The following PBRM1 variants were observed in gnomAD, a reference collection of about 807,000 sequenced individuals.
The protein encoded by PBRM1 is protein polybromo-1.
Under a neutral mutation model 194.5 loss-of-function variants are expected in PBRM1, and 27 were observed. That is an observed-to-expected ratio of 0.14 (90% CI 0.10 to 0.19). The LOEUF is 0.19. Among genes scored for constraint, PBRM1 ranks in the 10% least tolerant of loss-of-function variants. The pLI, the probability that PBRM1 is intolerant of heterozygous loss-of-function variation, is 1.00. For synonymous variants in PBRM1, 655 were observed against 693.2 expected (o/e 0.94, Z 0.87); for missense variants, 1,466 against 2,077.2 (o/e 0.71, Z 5.72).
At chr3:52,545,737 AG>A (rs2079603936), downstream of PBRM1, 1 of 233,084 alleles carries the variant, frequency 4.3e-6, no homozygotes, top group African/African-American at 2.2e-5. Flanking sequence ...TCTTCTCCAC[AG>A]GAACTTACAT....
At chr3:52,666,509 C>T (rs2096838608) in intron 3 of PBRM1, among the ~76,000 whole-genome samples, 1 of 151,670 alleles carries the variant, frequency 6.6e-6, no homozygotes, top group Non-Finnish European at 1.5e-5. Context: ...GCACTCCAGC[C>T]TGGGCAACAG....
intron 11 of PBRM1, among the ~76,000 whole-genome samples, 154 bp downstream of exon 12, chr3:52,634,435 CAAAAAAAAAAAAA>C (rs370025797): frequency 2.2e-5 from 1 of 46,356 alleles, no homozygotes; most frequent in Admixed American, 2.0e-4. Flanking sequence ...GACTCCGTCT[CAAAAAAAAAAAAA>C]AAAAAAAAGG....
chr3:52,627,817 C>CA (rs1277372457), intron 12 of PBRM1, among the ~76,000 whole-genome samples: 1 of 152,134 alleles, frequency 6.6e-6, no homozygotes, highest in Admixed American at 6.5e-5. Context: ...GGCCTTCTGC[C>CA]AAACAGAGCT....
At chr3:52,627,131 G>T in intron 13 of PBRM1, 142 bp downstream of exon 14, 1 of 494,680 alleles carries the variant, frequency 2.0e-6, no homozygotes. Flanking sequence ...TCATCCAATT[G>T]CAAATGAATT....
At chr3:52,616,013 C>T (rs577555653) in intron 14 of PBRM1, among the ~76,000 whole-genome samples, 7 of 152,152 alleles carry the variant, frequency 4.6e-5, no homozygotes, top group Non-Finnish European at 7.3e-5. Context: ...TGCTTTGCAT[C>T]CACAGCCCCT....
At chr3:52,620,328 G>A (rs1002860415) in intron 13 of PBRM1, among the ~76,000 whole-genome samples, 8 of 152,228 alleles carry the variant, frequency 5.3e-5, no homozygotes, top group African/African-American at 1.9e-4. Flanking sequence ...TTAAAAGGAA[G>A]ACAGAGGAAT....
At chr3:52,650,615 C>T (rs2096464128) in intron 6 of PBRM1, among the ~76,000 whole-genome samples, 1 of 152,042 alleles carries the variant, frequency 6.6e-6, no homozygotes, top group African/African-American at 2.4e-5. Context: ...GCAGCAAACC[C>T]TTCTTATCCT....
chr3:52,647,916 C>T (rs1038463285), intron 7 of PBRM1, among the ~76,000 whole-genome samples: 1 of 148,252 alleles, frequency 6.7e-6, no homozygotes, highest in African/African-American at 2.5e-5. Flanking sequence ...ACATTAAATA[C>T]TTTTTTTTTT....
intron 21 of PBRM1, among the ~76,000 whole-genome samples, chr3:52,578,321 A>AT (rs1271631059): frequency 6.6e-6 from 1 of 152,208 alleles, no homozygotes; most frequent in Admixed American, 6.5e-5. Flanking sequence ...AGGAAAAAGA[A>AT]TATTTGTCTG....
intron 10 of PBRM1, 61 bp downstream of exon 11, chr3:52,641,893 T>A: frequency 9.8e-7 from 1 of 1,016,940 alleles, no homozygotes; most frequent in Non-Finnish European, 1.6e-6. Flanking sequence ...ATCACTGCAA[T>A]TTCATTTAGC....
intron 18 of PBRM1, among the ~76,000 whole-genome samples, chr3:52,588,552 CTTT>C (rs36058575): frequency 0.017 from 1,897 of 110,094 alleles, 6 homozygotes; most frequent in Middle Eastern, 0.035. Flanking sequence ...GTATTTCTTT[CTTT>C]TTTTTTTTTT....
At chr3:52,685,564 A>C (rs570819130) in intron 1 of PBRM1, 185 bp downstream of exon 1, 25 of 151,364 alleles carry the variant, frequency 1.7e-4, no homozygotes, top group African/African-American at 6.0e-4. Flanking sequence ...AGGTGCGACA[A>C]GGCTACTGGG....
rs2094902491 is a variant in PBRM1 at position 52,615,412 on chromosome 3, T to C, written c.1863A>G (p.Lys621=). ...CAGGCAGTGGGCCCAGCTCTTTCCT[T>C]TTCTCCTTGAGTAACTTCTCCAGGA... Residue 621 remains lysine, a synonymous_variant, in exon 15 of 30, where the codon AAA becomes AAG. Coordinates refer to ENST00000296302, the Ensembl canonical transcript of PBRM1. 3 of 1,612,696 alleles carry C rather than the reference T, an allele frequency of 1.9e-6. No homozygotes were observed. In the East Asian group the frequency reaches 6.7e-5, roughly 36 times the overall value.
At chr3:52,615,224 A>G (rs890502443) in intron 15 of PBRM1, 127 bp downstream of exon 17, 2 of 586,670 alleles carry the variant, frequency 3.4e-6, no homozygotes, top group Non-Finnish European at 6.0e-6. Flanking sequence ...TGACAAGAAC[A>G]AAGAACTCCA....
At chr3:52,638,159 C>T (rs2095900296) in intron 10 of PBRM1, among the ~76,000 whole-genome samples, 1 of 152,014 alleles carries the variant, frequency 6.6e-6, no homozygotes, top group Non-Finnish European at 1.5e-5. Context: ...TCCTTATATA[C>T]TATCTTTTAT....
At chr3:52,546,613 T>C (rs564153590), downstream of PBRM1, 100 of 231,514 alleles carry the variant, frequency 4.3e-4, no homozygotes, top group Middle Eastern at 1.3e-3. Flanking sequence ...ATTAACTCTC[T>C]CAGATTATAA....
intron 17 of PBRM1, among the ~76,000 whole-genome samples, chr3:52,591,208 G>A (rs940895951): frequency 2.0e-5 from 3 of 152,146 alleles, no homozygotes; most frequent in Non-Finnish European, 2.9e-5. Flanking sequence ...GCAAAGAGAC[G>A]TAGTTTGACT....
At chr3:52,573,666 G>A (rs11130307) in intron 22 of PBRM1, among the ~76,000 whole-genome samples, 51,192 of 151,888 alleles carry the variant, frequency 0.34, 9,583 homozygotes, top group Admixed American at 0.46. Context: ...ATATGGAGGA[G>A]TAGTGAGCTC....
At chr3:52,575,257 G>T (rs1295210115) in intron 22 of PBRM1, among the ~76,000 whole-genome samples, 1 of 144,774 alleles carries the variant, frequency 6.9e-6, no homozygotes, top group South Asian at 2.1e-4. Context: ...CAAACGTTTA[G>T]AAGAGTCACT....
Sources: gnomAD v4.1 joint callset for allele counts (sites outside exome capture counted in the v4.1 genomes callset) on GRCh38, gnomAD v4.1.1 for gene constraint, MANE v1.5 for transcripts, NCBI Gene and HGNC (gene_info 2026-07-23, HGNC 2026-07-21) for gene names.